Variants in UVRAG observed in about 807,000 individuals in gnomAD.
The protein encoded by UVRAG is UV radiation resistance-associated gene protein.
A neutral mutation model predicts 78.0 loss-of-function variants in UVRAG; 19 were observed. That is an observed-to-expected ratio of 0.24 (90% CI 0.17 to 0.36). The LOEUF is 0.36. Among genes scored for constraint, UVRAG ranks in the 10% least tolerant of loss-of-function variants. The pLI, the probability that UVRAG is intolerant of heterozygous loss-of-function variation, is 1.00. For synonymous variants in UVRAG, 323 were observed against 324.6 expected, an observed-to-expected ratio of 1.00 and a Z score of 0.05; for missense variants, 740 against 853.8, an observed-to-expected ratio of 0.87 and a Z score of 1.66.
chr11:76,105,458 C>T (rs1244692793), intron 13 of UVRAG, among the ~76,000 whole-genome samples: 1 of 151,852 alleles, frequency 6.6e-6, no homozygotes, highest in Non-Finnish European at 1.5e-5. Context: ...AAATTAAAAC[C>T]ACAATGAGGC....
At chr11:76,115,896 C>A (rs1952168407) in intron 13 of UVRAG, 28 bp from the exon 14 acceptor site, 1 of 1,606,870 alleles carries the variant, frequency 6.2e-7, no homozygotes, top group Admixed American at 1.7e-5. Context: ...GCCAAAATAT[C>A]TTTAATTCTA....
chr11:75,921,485 A>G (rs1051362986), intron 6 of UVRAG, among the ~76,000 whole-genome samples: 2 of 152,126 alleles, frequency 1.3e-5, no homozygotes, highest in African/African-American at 4.8e-5. Context: ...CCCAAATCTG[A>G]CAATTACATC....
At chr11:75,864,286 C>G (rs1946489625) in intron 3 of UVRAG, among the ~76,000 whole-genome samples, 1 of 152,164 alleles carries the variant, frequency 6.6e-6, no homozygotes. Flanking sequence ...GAACTCCTGA[C>G]CTCAAGCAAT....
chr11:75,943,385 AGTTT>A (rs1010745362), intron 6 of UVRAG, among the ~76,000 whole-genome samples: 2 of 149,796 alleles, frequency 1.3e-5, no homozygotes, highest in African/African-American at 4.9e-5. Flanking sequence ...CCATATCTGT[AGTTT>A]GTTTTGTTTA....
At chr11:76,036,417 G>A (rs1950535570) in intron 12 of UVRAG, among the ~76,000 whole-genome samples, 1 of 151,584 alleles carries the variant, frequency 6.6e-6, no homozygotes, top group South Asian at 2.1e-4. Context: ...AAGTGTGATG[G>A]CACCCAGCTA....
chr11:76,035,345 A>G (rs1232841908), intron 12 of UVRAG, among the ~76,000 whole-genome samples: 1 of 152,220 alleles, frequency 6.6e-6, no homozygotes, highest in Admixed American at 6.5e-5. Flanking sequence ...TTTGGTAAAT[A>G]GCATGTTATT....
intron 13 of UVRAG, among the ~76,000 whole-genome samples, chr11:76,090,090 C>G (rs1454777499): frequency 2.0e-5 from 3 of 152,180 alleles, no homozygotes; most frequent in African/African-American, 7.2e-5. Context: ...CTGATTTCAA[C>G]CAATCTCCTG....
intron 13 of UVRAG, among the ~76,000 whole-genome samples, chr11:76,076,549 T>C (rs1277967064): frequency 6.6e-6 from 1 of 152,190 alleles, no homozygotes; most frequent in Admixed American, 6.5e-5. Context: ...TTATGGGAGC[T>C]ACAATTCAAG....
At chr11:76,096,781 G>A (rs376111542) in intron 13 of UVRAG, among the ~76,000 whole-genome samples, 33 of 152,204 alleles carry the variant, frequency 2.2e-4, no homozygotes, top group East Asian at 2.1e-3. Context: ...ACCCTGAGGC[G>A]CCCCTTCCTT....
chr11:75,926,258 T>A (rs1350506621), intron 6 of UVRAG, among the ~76,000 whole-genome samples: 1 of 152,186 alleles, frequency 6.6e-6, no homozygotes, highest in Non-Finnish European at 1.5e-5. Flanking sequence ...TTTTTACTTC[T>A]TTTCTCCCAA....
chr11:75,967,555 C>T (rs1054546896), intron 7 of UVRAG, among the ~76,000 whole-genome samples: 4 of 151,970 alleles, frequency 2.6e-5, no homozygotes, highest in African/African-American at 9.7e-5. Flanking sequence ...TAAAATATAC[C>T]CTAAGCTGTC....
At chr11:76,044,921 G>C (rs1473285576) in intron 12 of UVRAG, among the ~76,000 whole-genome samples, 2 of 152,204 alleles carry the variant, frequency 1.3e-5, no homozygotes, top group Non-Finnish European at 2.9e-5. Flanking sequence ...GTAGCAGACT[G>C]GAAAAATGAA....
chr11:76,045,145 G>A (rs1950725138), intron 12 of UVRAG, among the ~76,000 whole-genome samples: 1 of 152,152 alleles, frequency 6.6e-6, no homozygotes, highest in Non-Finnish European at 1.5e-5. Flanking sequence ...TAGAGAGGTC[G>A]AACTAGACTA....
intron 6 of UVRAG, among the ~76,000 whole-genome samples, chr11:75,931,864 T>C (rs1043438889): frequency 3.9e-5 from 5 of 127,386 alleles, no homozygotes; most frequent in African/African-American, 7.7e-5. Flanking sequence ...TTACATGTTA[T>C]GTTGTTATAA....
intron 13 of UVRAG, among the ~76,000 whole-genome samples, chr11:76,084,261 G>A (rs1951545963): frequency 6.6e-6 from 1 of 152,202 alleles, no homozygotes; most frequent in African/African-American, 2.4e-5. Flanking sequence ...CATACCAGGA[G>A]AGATAACATG....
chr11:75,817,779 C>G (rs1017122960), intron 1 of UVRAG, among the ~76,000 whole-genome samples: 2 of 151,774 alleles, frequency 1.3e-5, no homozygotes, highest in Non-Finnish European at 2.9e-5. Context: ...CGCAGTGGCT[C>G]ACACCTGTAA....
At chr11:76,041,611 GTT>G (rs1950649601) in intron 12 of UVRAG, among the ~76,000 whole-genome samples, 1 of 152,214 alleles carries the variant, frequency 6.6e-6, no homozygotes, top group Non-Finnish European at 1.5e-5. Flanking sequence ...GCCATGGCCA[GTT>G]ATTATCTTTG....
Position 75,861,928 on chromosome 11 carries a change from C to T in UVRAG, c.270+148C>T, listed in dbSNP as rs1188009299. On this transcript the variant is annotated intron_variant, in intron 3 of 14. Coordinates refer to ENST00000356136, the MANE Select transcript of UVRAG (RefSeq NM_003369.4). The stretch of plus-strand genomic sequence containing the variant: ...ATTGTTAAATCATCATTGTTTTGTT[C>T]ATTGCTGTATCTCTAGTGCTTATGT... The T allele has an allele frequency of 1.8e-5, 12 of 673,090 alleles. No individual in the cohort carries two copies. The Middle Eastern group carries it at 1.1e-3, about 64-fold the overall frequency. The allele number at this position is 673,090 out of a possible 1,614,324, so 41.7% of individuals were successfully genotyped here. A position where few individuals can be genotyped will look rare whatever the true frequency, so the allele number is the denominator to read the frequency against.
At chr11:75,839,821 G>C (rs945397859) in intron 1 of UVRAG, among the ~76,000 whole-genome samples, 6 of 127,672 alleles carry the variant, frequency 4.7e-5, no homozygotes, top group Non-Finnish European at 1.1e-4. Flanking sequence ...TTTTGTGTGT[G>C]TGTGTATATA....
Sources: allele counts gnomAD v4.1 joint callset (sites outside exome capture counted in the v4.1 genomes callset), GRCh38; gene constraint gnomAD v4.1.1; transcripts MANE v1.5; gene names NCBI Gene and HGNC (gene_info 2026-07-23, HGNC 2026-07-21).